Variants in WWC2 observed in about 807,000 individuals in gnomAD.
WWC2 encodes protein WWC2.
WWC2 carries 101 observed loss-of-function variants against 138.5 expected under a neutral mutation model. The ratio of observed to expected loss-of-function variants is 0.73; its 90% CI spans 0.62 to 0.86. The LOEUF (loss-of-function observed/expected upper bound fraction) is 0.86, where lower values mean the gene tolerates loss of function less well. WWC2 is among the 40% of genes least tolerant of loss of function. The pLI is 0.00. For missense variants in WWC2, 1,420 were observed against 1,419.4 expected, an observed-to-expected ratio of 1.00 and a Z score of -0.01; for synonymous variants, 558 against 538.4, an observed-to-expected ratio of 1.04 and a Z score of -0.50.
chr4:183,151,914 C>T (rs1030099574), intron 1 of WWC2, among the ~76,000 whole-genome samples: 2 of 152,100 alleles, frequency 1.3e-5, no homozygotes, highest in Non-Finnish European at 2.9e-5. Context: ...TGTCTTGGTA[C>T]CAGTACCATG....
rs760468290 is a variant in WWC2, at chr4:183,261,264, C to A, written c.1641C>A (p.Ser547=). Residue 547 remains serine (S), a synonymous_variant, in exon 11 of 23, where the codon TCC becomes TCA. Coordinates refer to ENST00000403733, the MANE Select transcript of WWC2 (RefSeq NM_024949.6). ...CCCCGAAGTCTGTGGCCTCCCTGTC[C>A]TCGAGGTCCTCCCTTTCCTCCTTGT... is the stretch of plus-strand genomic sequence containing the variant. ...AEAPKSVASL[S]SRSSLSSLSP... is the part of the protein sequence containing the mutation. 9 of 1,613,258 alleles carry A rather than the reference C, an allele frequency of 5.6e-6. No homozygotes were observed. The highest frequency in any genetic ancestry group is 7.6e-6 in the Non-Finnish European group (9 of 1,179,676).
chr4:183,136,358 C>CT (rs893042201), intron 1 of WWC2, among the ~76,000 whole-genome samples: 62 of 152,208 alleles, frequency 4.1e-4, no homozygotes, highest in African/African-American at 1.5e-3. Context: ...CAAATTCTGT[C>CT]TTTGATTGTG....
intron 1 of WWC2, among the ~76,000 whole-genome samples, chr4:183,153,561 A>T (rs1226415058): frequency 1.3e-5 from 2 of 152,196 alleles, no homozygotes; most frequent in Non-Finnish European, 2.9e-5. Flanking sequence ...TATTAAAGAA[A>T]AATATTCATA....
chr4:183,257,054 C>G (rs1213921990), intron 9 of WWC2, among the ~76,000 whole-genome samples: 1 of 152,144 alleles, frequency 6.6e-6, no homozygotes, highest in Non-Finnish European at 1.5e-5. Context: ...AAAAACCATG[C>G]AGGGAAGGTG....
chr4:183,207,163 G>C (rs6552656), intron 2 of WWC2, among the ~76,000 whole-genome samples: 147,976 of 151,902 alleles, frequency 0.97, 72,205 homozygotes, highest in East Asian at 1. Flanking sequence ...TGCCTGGGTT[G>C]CATCCACAGA....
chr4:183,109,683 T>C (rs1328825253), intron 1 of WWC2, among the ~76,000 whole-genome samples: 1 of 152,138 alleles, frequency 6.6e-6, no homozygotes, highest in Non-Finnish European at 1.5e-5. Context: ...CACACCTCCT[T>C]CTGTGCGGCC....
chr4:183,215,898 T>C (rs1003430708), intron 4 of WWC2, among the ~76,000 whole-genome samples: 6 of 152,178 alleles, frequency 3.9e-5, no homozygotes, highest in Admixed American at 1.3e-4. Context: ...TTAGAGAATA[T>C]ATAATCTGAG....
At position 183,106,132 on chromosome 4, in the gene WWC2, C is replaced by T. The variant is rs140109204; in HGVS notation, c.131+6510C>T. 3.9e-3 allele frequency among the ~76,000 whole-genome samples: 589 copies of T among 151,880 alleles called. 3 individuals are homozygous for T. The highest frequency in any genetic ancestry group is 0.014 in the African/African-American group (560 of 41,418). On this transcript the variant is annotated intron_variant, in intron 1 of 22. Transcript: ENST00000403733. ...CCGAGTAGCTGGGATTATAGGCTCT[C>T]GCCACCACGCCCAGCTAGTTTTTGT... is the stretch of plus-strand genomic sequence containing the variant.
chr4:183,192,191 C>T (rs1343568248), intron 1 of WWC2, among the ~76,000 whole-genome samples: 2 of 152,202 alleles, frequency 1.3e-5, no homozygotes, highest in African/African-American at 2.4e-5. Flanking sequence ...TTATTGACTA[C>T]TTATAATGTC....
At chr4:183,247,754 A>C (rs954176868) in intron 6 of WWC2, among the ~76,000 whole-genome samples, 1 of 140,550 alleles carries the variant, frequency 7.1e-6, no homozygotes, top group Non-Finnish European at 1.5e-5. Context: ...TATACTACAT[A>C]ATATATATAT....
chr4:183,276,545 A>G (rs887811103), intron 16 of WWC2, among the ~76,000 whole-genome samples: 1 of 152,126 alleles, frequency 6.6e-6, no homozygotes, highest in Non-Finnish European at 1.5e-5. Flanking sequence ...AGACAATGCA[A>G]AGATTTTCAA....
At chr4:183,153,554 TAAAG>T (rs1267407151) in intron 1 of WWC2, among the ~76,000 whole-genome samples, 1 of 152,064 alleles carries the variant, frequency 6.6e-6, no homozygotes, top group Admixed American at 6.5e-5. Context: ...ATATTGTTAT[TAAAG>T]AAAAATATTC....
At chr4:183,233,187 G>T in intron 4 of WWC2, among the ~76,000 whole-genome samples, 1 of 74,338 alleles carries the variant, frequency 1.3e-5, no homozygotes. Flanking sequence ...GAGAAGTCTT[G>T]CTCTTGTCCC....
In WWC2 at chr4:183,311,512, C is replaced by T. The variant is rs571820141; in HGVS notation, c.3385-829C>T. 1.5e-3 allele frequency among the ~76,000 whole-genome samples: 230 copies of T among 151,474 alleles called. 1 individual carries two copies. Among genetic ancestry groups the T allele is most frequent in the African/African-American group, 5.1e-3 (212 of 41,294 alleles). Reference sequence around the variant, plus strand: ...GGGCAGGAGTGTTCTCCCCTTCCTCCGGTGCTGGTTACATGGGTGTGTTCA... The same window carrying T: ...GGGCAGGAGTGTTCTCCCCTTCCTCTGGTGCTGGTTACATGGGTGTGTTCA... On this transcript the variant is annotated intron_variant, in intron 21 of 22. Transcript: ENST00000403733.
chr4:183,291,603 C>T (rs1332783305), intron 21 of WWC2, among the ~76,000 whole-genome samples: 1 of 152,134 alleles, frequency 6.6e-6, no homozygotes, highest in East Asian at 1.9e-4. Flanking sequence ...ACTATAGATG[C>T]AAACAGAACT....
chr4:183,240,006 A>T (rs1736565875), intron 4 of WWC2, among the ~76,000 whole-genome samples, 177 bp from the exon 5 acceptor site: 1 of 152,244 alleles, frequency 6.6e-6, no homozygotes, highest in Non-Finnish European at 1.5e-5. Flanking sequence ...ATAGTTTTAA[A>T]CATCATTAAT....
chr4:183,104,600 G>C (rs1203597804), intron 1 of WWC2, among the ~76,000 whole-genome samples: 1 of 152,124 alleles, frequency 6.6e-6, no homozygotes. Flanking sequence ...CTGAGTCTGG[G>C]TGCCAAGTGG....
rs190845854 is a variant in WWC2 at position 183,267,146 on chromosome 4, C to T, written c.2207+1195C>T. Among the ~76,000 whole-genome samples, 41 of 151,788 alleles carry T rather than the reference C, an allele frequency of 2.7e-4. No individual in the cohort carries two copies. The East Asian group carries it at 5.6e-3, about 21-fold the overall frequency. On this transcript the variant is annotated intron_variant, in intron 14 of 22. Transcript: ENST00000403733. ...TGCTGGGATTACAGGCGTGAGCCAC[C>T]GAGCCCAGCCAAGATAGTAGATTTT...
rs796207947 is a variant in WWC2 at position 183,121,204 on chromosome 4, C to CAA, written c.131+21596_131+21597dup. Among the ~76,000 whole-genome samples, 421 of 113,332 alleles carry CAA rather than the reference C, an allele frequency of 3.7e-3. 1 individual carries two copies. Among genetic ancestry groups the CAA allele is most frequent in the African/African-American group, 0.013 (406 of 30,748 alleles). 74.4% of individuals were successfully genotyped at this position (113,332 alleles called of 152,430 possible). ...TGGGCAACAGATAGAGACATTATCTCAAAAAAAAAAAAAAAGTAACATTGT... is the reference window on the plus strand; with the variant it reads ...TGGGCAACAGATAGAGACATTATCTCAAAAAAAAAAAAAAAAAGTAACATTGT... On this transcript the variant is annotated intron_variant, in intron 1 of 22. Coordinates refer to ENST00000403733, the MANE Select transcript of WWC2 (RefSeq NM_024949.6).
Sources: gnomAD v4.1 joint callset for allele counts (sites outside exome capture counted in the v4.1 genomes callset) on GRCh38, gnomAD v4.1.1 for gene constraint, MANE v1.5 for transcripts, NCBI Gene and HGNC (gene_info 2026-07-23, HGNC 2026-07-21) for gene names.